The following LRRC15 variants were observed in gnomAD, a reference collection of about 807,000 sequenced individuals.
LRRC15 encodes leucine rich repeat containing 15.
In LRRC15, 5 loss-of-function variants were observed where a neutral mutation model predicts 4.3. The ratio of observed to expected loss-of-function variants is 1.16; its 90% CI spans 0.61 to 2.44. The LOEUF (loss-of-function observed/expected upper bound fraction) is 2.44. Ranked by LOEUF, LRRC15 falls within the 30% of genes most tolerant of loss-of-function variation. The pLI is 0.01. For synonymous variants in LRRC15, 337 were observed against 323.2 expected, an observed-to-expected ratio of 1.04 and a Z score of -0.46; for missense variants, 769 against 747.0, an observed-to-expected ratio of 1.03 and a Z score of -0.34.
chr3:194,360,170 T>C lies in LRRC15; in HGVS notation c.874A>G (p.Met292Val), dbSNP rs1409904992. Residue 292 changes from methionine (M) to valine (V), a missense_variant, in exon 2 of 2, where the codon ATG becomes GTG. Met to Val is a conservative substitution (Grantham distance 21, BLOSUM62 1). Coordinates refer to ENST00000347624, the MANE Select transcript of LRRC15 (RefSeq NM_130830.5). ...AGCCAAAGCTCCCGCAGGTTGGGCA[T>C]GGGCCCGAAGATCCCCGGAGAGAGC... The part of the protein sequence containing the change: ...KELSPGIFGP[M>V]PNLRELWLYD... 1.2e-6 allele frequency: 2 copies of C among 1,613,708 alleles called. No individual in the cohort carries two copies. Among genetic ancestry groups the C allele is most frequent in the Non-Finnish European group, 1.7e-6 (2 of 1,179,752 alleles).
chr3:194,357,828 G>A lies in LRRC15; in HGVS notation c.*1470C>T, dbSNP rs531255281. 1 of 152,204 alleles carries A rather than the reference G, an allele frequency of 6.6e-6. No homozygotes were observed. The highest frequency in any genetic ancestry group is 2.4e-5 in the African/African-American group (1 of 41,438). The allele number at this position is 152,204 out of a possible 1,614,324, so 9.4% of individuals were successfully genotyped here. A position where few individuals can be genotyped will look rare whatever the true frequency, so the allele number is the denominator to read the frequency against. On this transcript the variant is annotated 3_prime_UTR_variant, in exon 2 of 2. Transcript: ENST00000347624. The stretch of plus-strand genomic sequence containing the variant: ...CCGTTACACTTCGTTTTCAATTAAA[G>A]GATCTCATCTCTGAGCGATTTCACT...
intron 1 of LRRC15, among the ~76,000 whole-genome samples, chr3:194,367,456 G>A (rs35572284): frequency 0.15 from 22,201 of 151,996 alleles, 2,065 homozygotes; most frequent in African/African-American, 0.26. Flanking sequence ...ACAGGTGCCC[G>A]CCACCACACC....
chr3:194,366,591 G>A (rs58182031), intron 1 of LRRC15, among the ~76,000 whole-genome samples: 25,705 of 152,096 alleles, frequency 0.17, 3,105 homozygotes, highest in African/African-American at 0.34. Context: ...GAGAGGACCC[G>A]GGATGGGGGA....
rs141605466 is a variant in LRRC15 at position 194,360,829 on chromosome 3, G to C, written c.215C>G (p.Pro72Arg). ...GATGAGGGCTGAGATATTGAGGAACGGGGACTCATTGAGTTCAGTGATGTG... is the reference window on the plus strand; with the variant it reads ...GATGAGGGCTGAGATATTGAGGAACCGGGACTCATTGAGTTCAGTGATGTG... ...NTHITELNES[P>R]FLNISALIAL... Residue 72 changes from proline (P) to arginine (R), a missense_variant, in exon 2 of 2, where the codon CCG (proline) becomes CGG (arginine). By Grantham distance (103) the Pro-to-Arg change is moderately radical (BLOSUM62 -2). Coordinates refer to ENST00000347624, the MANE Select transcript of LRRC15 (RefSeq NM_130830.5). 32 of 1,613,850 alleles carry C rather than the reference G, an allele frequency of 2.0e-5. No homozygotes were observed. In the East Asian group the frequency reaches 2.0e-4, roughly 10 times the overall value.
intron 1 of LRRC15, among the ~76,000 whole-genome samples, chr3:194,368,336 G>A (rs995379630): frequency 6.6e-6 from 1 of 151,974 alleles, no homozygotes. Context: ...TTTACTGAGC[G>A]AGCTAAGGGA....
rs1278339194 is a variant in LRRC15 at position 194,359,934 on chromosome 3, G to T, written c.1110C>A (p.Ile370=). ...GTCTGAGGCGGTTGTTCTGCAGGGA[G>T]ATGTTCTGCAGGTTGGCCAACATGC... ...VFRMLANLQN[I]SLQNNRLRQL... The change falls in exon 2 of 2, where the codon ATC becomes ATA. Residue 370 remains isoleucine (I), a synonymous_variant. Coordinates refer to ENST00000347624, the MANE Select transcript of LRRC15 (RefSeq NM_130830.5). 1.9e-5 allele frequency: 30 copies of T among 1,614,184 alleles called. No individual in the cohort carries two copies. The highest frequency in any genetic ancestry group is 2.5e-5 in the Non-Finnish European group (30 of 1,180,016).
rs1713554477 is a variant in LRRC15, at chr3:194,359,910, T to C, written c.1134A>G (p.Arg378=). The C allele has an allele frequency of 6.2e-7, 1 of 1,613,980 alleles. No individual in the cohort carries two copies. Among genetic ancestry groups the C allele is most frequent in the Admixed American group, 1.7e-5 (1 of 60,004 alleles). ...QNISLQNNRL[R]QLPGNIFANV... ...TGGCGAAGATATTCCCTGGGAGCTG[T>C]CTGAGGCGGTTGTTCTGCAGGGAGA... Residue 378 remains arginine (R), a synonymous_variant, in exon 2 of 2, where the codon AGA becomes AGG. Transcript: ENST00000347624.
rs911864408 is a variant in LRRC15, at chr3:194,357,718, T to C, written c.*1580A>G. On this transcript the variant is annotated 3_prime_UTR_variant, in exon 2 of 2. Transcript: ENST00000347624. ...CCCATCGGTGTACCCCCGTGTCGCC[T>C]GCTGTAAGTGAGATTCTGAAGTTCA... The C allele has an allele frequency of 2.0e-5, 3 of 152,080 alleles. No individual in the cohort carries two copies. The highest frequency in any genetic ancestry group is 7.3e-5 in the African/African-American group (3 of 41,336). 9.4% of individuals were successfully genotyped at this position (152,080 alleles called of 1,614,324 possible).
intron 1 of LRRC15, among the ~76,000 whole-genome samples, chr3:194,367,468 G>A (rs111831551): frequency 0.038 from 5,846 of 151,996 alleles, 309 homozygotes; most frequent in African/African-American, 0.12. Flanking sequence ...CACCACACCC[G>A]GCTAATTTTT....
chr3:194,357,223 AGGTGTCTTGTGG>A lies in LRRC15; in HGVS notation c.*2063_*2074del, dbSNP rs1427080800. On this transcript the variant is annotated 3_prime_UTR_variant, in exon 2 of 2. Transcript: ENST00000347624. ...CTCCTGTGGCCCTGGAGGATGTCAC[AGGTGTCTTGTGG>A]AGCGGGGAGCTAATAAGAGCCGATC... 8 of 151,862 alleles carry A rather than the reference AGGTGTCTTGTGG, an allele frequency of 5.3e-5. No individual in the cohort carries two copies. Among genetic ancestry groups the A allele is most frequent in the African/African-American group, 1.7e-4 (7 of 41,140 alleles). The allele number at this position is 151,862 out of a possible 1,614,324, so 9.4% of individuals were successfully genotyped here.
At position 194,360,019 on chromosome 3, in the gene LRRC15, T is replaced by C; in HGVS notation, c.1025A>G (p.Glu342Gly). The C allele has an allele frequency of 1.9e-6, 3 of 1,614,174 alleles. No homozygotes were observed. The highest frequency in any genetic ancestry group is 2.5e-6 in the Non-Finnish European group (3 of 1,180,036). ...ISPGAFNGLT[E>G]LRELSLHTNA... is the part of the protein sequence containing the mutation. Reference sequence around the variant, plus strand: ...GGTGTGGAGGGACAGCTCCCGAAGCTCCGTTAGCCCGTTGAAGGCACCCGG... The same window carrying C: ...GGTGTGGAGGGACAGCTCCCGAAGCCCCGTTAGCCCGTTGAAGGCACCCGG... The change falls in exon 2 of 2, where the codon GAG becomes GGG. Residue 342 changes from glutamate to glycine, a missense_variant. By Grantham distance (98) the Glu-to-Gly change is moderately conservative. Transcript: ENST00000347624.
At chr3:194,368,960 G>A (rs545926934) in intron 1 of LRRC15, among the ~76,000 whole-genome samples, 13 of 152,238 alleles carry the variant, frequency 8.5e-5, no homozygotes, top group Non-Finnish European at 1.3e-4. Flanking sequence ...GCTCCACAGA[G>A]GCCGACGCTT....
rs1453356679 is a variant in LRRC15, at chr3:194,360,469, AC to A, written c.574del (p.Val192SerfsTer90). On this transcript the variant is annotated frameshift_variant, in exon 2 of 2. Coordinates refer to ENST00000347624, the MANE Select transcript of LRRC15 (RefSeq NM_130830.5). LOFTEE classifies it low-confidence loss of function (END_TRUNC). ...KNSLTHISPR[V>X]FQHLGNLQVL... ...CTGGAGGTTGCCCAGGTGCTGGAAGACCCTGGGTGAGATGTGGGTGAGGCTA... is the reference window on the plus strand; with the variant it reads ...CTGGAGGTTGCCCAGGTGCTGGAAGACCTGGGTGAGATGTGGGTGAGGCTA... 6.2e-7 allele frequency: 1 copy of A among 1,614,056 alleles called. No individual in the cohort carries two copies. Among genetic ancestry groups the A allele is most frequent in the African/African-American group, 1.3e-5 (1 of 75,018 alleles).
chr3:194,362,138 A>ATG (rs912037784), intron 1 of LRRC15, among the ~76,000 whole-genome samples: 2,732 of 123,044 alleles, frequency 0.022, 58 homozygotes, highest in African/African-American at 0.08. Context: ...GTGTGTGTGT[A>ATG]TGTGTGTGTG....
At position 194,360,083 on chromosome 3, in the gene LRRC15, C is replaced by T. The variant is rs554414445; in HGVS notation, c.961G>A (p.Val321Ile). 1 of 1,614,190 alleles carries T rather than the reference C, an allele frequency of 6.2e-7. No homozygotes were observed. The highest frequency in any genetic ancestry group is 1.1e-5 in the South Asian group (1 of 91,084). ...ATCTGATTGCGGCTAAGAATCAGGA[C>T]CTGCAACTGGCGGAGGTTGCTGAAG... ...NVFSNLRQLQVLILSRNQISF... is the reference protein window; with the variant it reads ...NVFSNLRQLQILILSRNQISF... Residue 321 changes from valine (V) to isoleucine (I), a missense_variant, in exon 2 of 2, where the codon GTC (valine) becomes ATC (isoleucine). Transcript: ENST00000347624.
At chr3:194,365,357 A>G (rs535945609) in intron 1 of LRRC15, among the ~76,000 whole-genome samples, 5 of 152,162 alleles carry the variant, frequency 3.3e-5, no homozygotes, top group African/African-American at 1.2e-4. Flanking sequence ...CAAACGCGTA[A>G]TTAGCCTCGA....
rs6789870 is a variant in LRRC15, at chr3:194,359,182, G to A, written c.*116C>T. The A allele has an allele frequency of 0.24, 232,550 of 987,534 alleles. 29,133 individuals carry two copies. Among genetic ancestry groups the A allele is most frequent in the Non-Finnish European group, 0.26 (176,507 of 677,064 alleles). The allele number at this position is 987,534 out of a possible 1,614,324, so 61.2% of individuals were successfully genotyped here. ...GGAAGAGGTAGGCTCACCTTTCTCT[G>A]GGGCCAGAAAGAGCAATCACGGGAA... On this transcript the variant is annotated 3_prime_UTR_variant, in exon 2 of 2. Coordinates refer to ENST00000347624, the MANE Select transcript of LRRC15 (RefSeq NM_130830.5).
At chr3:194,366,345 T>A (rs979390122) in intron 1 of LRRC15, among the ~76,000 whole-genome samples, 6 of 152,244 alleles carry the variant, frequency 3.9e-5, no homozygotes, top group African/African-American at 1.4e-4. Context: ...GAGGACCCAA[T>A]AAACGTTTGT....
rs1283557649 is a variant in LRRC15 at position 194,355,353 on chromosome 3, CAAAA to C, written c.*3941_*3944del. On this transcript the variant is annotated 3_prime_UTR_variant, in exon 2 of 2. Coordinates refer to ENST00000347624, the MANE Select transcript of LRRC15 (RefSeq NM_130830.5). ...CCTGCCCACCAGGGCTCACACTCTACAAAACCCTGAGGGCCTAGAAATCTGTAAA... is the reference window on the plus strand; with the variant it reads ...CCTGCCCACCAGGGCTCACACTCTACCCCTGAGGGCCTAGAAATCTGTAAA... 6 of 152,250 alleles carry C rather than the reference CAAAA, an allele frequency of 3.9e-5. No individual in the cohort carries two copies. In the South Asian group the frequency reaches 6.2e-4, roughly 16 times the overall value. 9.4% of individuals were successfully genotyped at this position (152,250 alleles called of 1,614,324 possible). A position where few individuals can be genotyped will look rare whatever the true frequency, so the allele number is the denominator to read the frequency against.
Sources: allele counts gnomAD v4.1 joint callset (sites outside exome capture counted in the v4.1 genomes callset), GRCh38; gene constraint gnomAD v4.1.1; transcripts MANE v1.5; gene names NCBI Gene and HGNC (gene_info 2026-07-23, HGNC 2026-07-21).